Variants in KCNIP4 observed in about 807,000 individuals in gnomAD.
The protein encoded by KCNIP4 is Kv channel-interacting protein 4.
A neutral mutation model predicts 34.0 loss-of-function variants in KCNIP4; 12 were observed. The ratio of observed to expected loss-of-function variants is 0.35; its 90% confidence interval spans 0.23 to 0.57. The LOEUF (loss-of-function observed/expected upper bound fraction) is 0.57, where lower values mean the gene tolerates loss of function less well. Ranked by LOEUF, KCNIP4 falls within the 20% of genes least tolerant of loss-of-function variation. The pLI is 0.83. For missense variants in KCNIP4, 238 were observed against 311.7 expected (o/e 0.76, Z 1.78); for synonymous variants, 124 against 102.2 (o/e 1.21, Z -1.29).
intron 1 of KCNIP4, among the ~76,000 whole-genome samples, chr4:21,445,201 A>G (rs1727868702): frequency 6.6e-6 from 1 of 152,210 alleles, no homozygotes; most frequent in Non-Finnish European, 1.5e-5. Context: ...CATACTGCCC[A>G]AGGTAATTTA....
chr4:21,064,520 T>G, intron 1 of KCNIP4, among the ~76,000 whole-genome samples: 1 of 152,200 alleles, frequency 6.6e-6, no homozygotes, highest in East Asian at 1.9e-4. Flanking sequence ...TTCTGTGGTT[T>G]AGGTAAGTGG....
chr4:21,778,457 A>G (rs988875877), intron 1 of KCNIP4, among the ~76,000 whole-genome samples: 2 of 149,514 alleles, frequency 1.3e-5, no homozygotes, highest in Non-Finnish European at 3.0e-5. Flanking sequence ...CTGGTCTTGA[A>G]CTCTTGGGTT....
At chr4:21,060,354 C>T (rs1229364720) in intron 1 of KCNIP4, among the ~76,000 whole-genome samples, 1 of 151,362 alleles carries the variant, frequency 6.6e-6, no homozygotes, top group Admixed American at 6.6e-5. Flanking sequence ...TGCGGTTAAC[C>T]CAGAATTTTT....
intron 1 of KCNIP4, among the ~76,000 whole-genome samples, chr4:21,788,630 A>G (rs1429996800): frequency 6.6e-6 from 1 of 152,224 alleles, no homozygotes; most frequent in Non-Finnish European, 1.5e-5. Flanking sequence ...GTTGATGTGG[A>G]GAAAAATCCC....
chr4:21,900,634 A>C (rs189080728), intron 1 of KCNIP4, among the ~76,000 whole-genome samples: 45 of 152,278 alleles, frequency 3.0e-4, no homozygotes, highest in Admixed American at 2.9e-3. Context: ...TTCTACAACT[A>C]TACTTTGAAT....
intron 1 of KCNIP4, among the ~76,000 whole-genome samples, chr4:21,211,443 C>T (rs1007353565): frequency 3.9e-5 from 6 of 152,036 alleles, no homozygotes; most frequent in Admixed American, 1.3e-4. Context: ...CATAAAAGTG[C>T]GGACCCGATT....
At chr4:21,467,334 A>G (rs1730073580) in intron 1 of KCNIP4, among the ~76,000 whole-genome samples, 1 of 152,124 alleles carries the variant, frequency 6.6e-6, no homozygotes, top group Non-Finnish European at 1.5e-5. Flanking sequence ...TATAATAAAT[A>G]TTTGAATGAT....
intron 1 of KCNIP4, among the ~76,000 whole-genome samples, chr4:21,823,482 A>C (rs1460106397): frequency 6.6e-6 from 1 of 150,426 alleles, no homozygotes; most frequent in Non-Finnish European, 1.5e-5. Context: ...CCAAACATAA[A>C]TGTGCATGCC....
intron 1 of KCNIP4, among the ~76,000 whole-genome samples, chr4:21,430,911 A>C (rs113261689): frequency 0.013 from 2,007 of 151,728 alleles, 49 homozygotes; most frequent in African/African-American, 0.046. Flanking sequence ...TTTCAAATAA[A>C]TCCAAAGACT....
At chr4:20,977,693 T>A (rs1735624421) in intron 1 of KCNIP4, among the ~76,000 whole-genome samples, 1 of 152,244 alleles carries the variant, frequency 6.6e-6, no homozygotes, top group South Asian at 2.1e-4. Context: ...TCAGTGCCAA[T>A]CTGATTACAA....
chr4:21,052,151 A>G (rs149914520), intron 1 of KCNIP4, among the ~76,000 whole-genome samples: 2,859 of 152,140 alleles, frequency 0.019, 79 homozygotes, highest in African/African-American at 0.063. Context: ...ATTCCCTCCC[A>G]TCCATGATTC....
intron 1 of KCNIP4, among the ~76,000 whole-genome samples, chr4:21,436,320 A>G (rs189249416): frequency 6.6e-6 from 1 of 152,364 alleles, no homozygotes; most frequent in African/African-American, 2.4e-5. Context: ...ATGAAGGCAC[A>G]GGAATGCTTG....
intron 1 of KCNIP4, among the ~76,000 whole-genome samples, chr4:21,254,889 G>A (rs193260185): frequency 5.3e-5 from 8 of 152,154 alleles, no homozygotes; most frequent in East Asian, 1.9e-4. Context: ...TCCCATTGTC[G>A]CTATCTTCTA....
At chr4:20,942,266 A>T (rs1731718965) in intron 1 of KCNIP4, among the ~76,000 whole-genome samples, 1 of 152,182 alleles carries the variant, frequency 6.6e-6, no homozygotes, top group South Asian at 2.1e-4. Flanking sequence ...TAATTTCCCC[A>T]TCTTAACCAA....
intron 1 of KCNIP4, among the ~76,000 whole-genome samples, chr4:21,478,980 T>C (rs1731210497): frequency 6.6e-6 from 1 of 152,224 alleles, no homozygotes; most frequent in Non-Finnish European, 1.5e-5. Flanking sequence ...ACAGTCCTTT[T>C]ATTACTTCAT....
intron 1 of KCNIP4, among the ~76,000 whole-genome samples, chr4:21,223,796 G>A (rs1425329): frequency 6.6e-6 from 1 of 152,162 alleles, no homozygotes; most frequent in East Asian, 1.9e-4. Context: ...GTGAGTGTGT[G>A]TGTGTGTCTT....
chr4:21,437,446 C>T (rs1016421365), intron 1 of KCNIP4, among the ~76,000 whole-genome samples: 4 of 152,174 alleles, frequency 2.6e-5, no homozygotes, highest in South Asian at 4.1e-4. Flanking sequence ...GCCTTGAACT[C>T]GCCATGCAGC....
chr4:21,349,956 A>G (rs922923873), intron 1 of KCNIP4, among the ~76,000 whole-genome samples: 2 of 152,156 alleles, frequency 1.3e-5, no homozygotes, highest in African/African-American at 4.8e-5. Flanking sequence ...CTCATCTAGA[A>G]AACACTCCTG....
chr4:20,810,394 TTGTC>T (rs1715585692), intron 3 of KCNIP4, among the ~76,000 whole-genome samples: 1 of 146,848 alleles, frequency 6.8e-6, no homozygotes, highest in African/African-American at 2.5e-5. Context: ...GTGGGTTTAT[TTGTC>T]TGAGTCAACA....
Sources: gnomAD v4.1 joint callset for allele counts (sites outside exome capture counted in the v4.1 genomes callset) on GRCh38, gnomAD v4.1.1 for gene constraint, MANE v1.5 for transcripts, NCBI Gene and HGNC (gene_info 2026-07-23, HGNC 2026-07-21) for gene names.